Variants in GPR161 observed in about 807,000 individuals in gnomAD.
GPR161 encodes G-protein coupled receptor RE2.
A neutral mutation model predicts 39.2 loss-of-function variants in GPR161; 25 were observed. The observed-to-expected ratio is 0.64, with a 90% CI of 0.47 to 0.89. The LOEUF (loss-of-function observed/expected upper bound fraction) is 0.89, where lower values mean the gene tolerates loss of function less well. GPR161 is among the 40% of genes least tolerant of loss of function. The pLI, the probability that GPR161 is intolerant of heterozygous loss-of-function variation, is 0.00. For synonymous variants in GPR161, 286 were observed against 276.6 expected (o/e 1.03, Z -0.34); for missense variants, 547 against 677.8 (o/e 0.81, Z 2.14).
In GPR161 at chr1:168,096,646, G is replaced by A. The variant is rs768733849; in HGVS notation, c.961C>T (p.Pro321Ser). The A allele has an allele frequency of 6.2e-7, 1 of 1,614,210 alleles. No individual in the cohort carries two copies. Among genetic ancestry groups the A allele is most frequent in the South Asian group, 1.1e-5 (1 of 91,090 alleles). The change falls in exon 3 of 6, where the codon CCC (proline) becomes TCC (serine). Residue 321 changes from proline to serine, a missense_variant. Physicochemically the swap from Pro to Ser is moderately conservative, Grantham distance 74. Coordinates refer to ENST00000682931, the MANE Select transcript of GPR161 (RefSeq NM_001375883.1). ...WLSFASAVCH[P>S]LIYGLWNKTV... ...TTGTTCCAGAGTCCATAGATCAGGG[G>A]GTGGCAGACAGCGCTGGCAAAGGAC...
chr1:168,089,708 C>T (rs1397359162), intron 4 of GPR161: 5 of 152,112 alleles, frequency 3.3e-5, no homozygotes, highest in Admixed American at 3.3e-4. Flanking sequence ...CCTGGCTCTT[C>T]CTCAGCAATG....
intron 1 of GPR161, among the ~76,000 whole-genome samples, chr1:168,133,604 A>G (rs1340855919): frequency 6.6e-6 from 1 of 152,226 alleles, no homozygotes; most frequent in Non-Finnish European, 1.5e-5. Flanking sequence ...TAAACCACAG[A>G]GCATTATTAT....
chr1:168,092,337 T>C (rs924705862), intron 3 of GPR161, among the ~76,000 whole-genome samples: 1 of 151,956 alleles, frequency 6.6e-6, no homozygotes, highest in African/African-American at 2.4e-5. Flanking sequence ...GAGGCTGCAG[T>C]GAAAGCCAGG....
intron 2 of GPR161, among the ~76,000 whole-genome samples, chr1:168,100,235 G>GC (rs1695972219): frequency 7.4e-6 from 1 of 134,882 alleles, no homozygotes; most frequent in Non-Finnish European, 1.6e-5. Flanking sequence ...AAAAAAAAAG[G>GC]ATATAGAACA....
At chr1:168,136,963 C>G (rs1421178520), upstream of GPR161, 8 of 937,940 alleles carry the variant, frequency 8.5e-6, no homozygotes, top group African/African-American at 7.6e-5. Flanking sequence ...GCCCCGCCCC[C>G]CCCACGCCCG....
intron 4 of GPR161, chr1:168,090,325 G>C (rs796694133): frequency 2.4e-6 from 1 of 419,082 alleles, no homozygotes; most frequent in South Asian, 4.8e-5. Flanking sequence ...TAATAACACC[G>C]TGCGGCAGAG....
intron 1 of GPR161, among the ~76,000 whole-genome samples, chr1:168,126,011 C>T (rs749868714): frequency 3.9e-5 from 6 of 152,174 alleles, no homozygotes; most frequent in Admixed American, 6.5e-5. Flanking sequence ...GGTCTCCCAA[C>T]CAAATATACC....
At position 168,091,917 on chromosome 1, in the gene GPR161, ATT is replaced by A. The variant is rs201643186; in HGVS notation, c.1100-1251_1100-1250del. The stretch of plus-strand genomic sequence containing the variant: ...AATCTGCCATAAAGGACACTCTTGT[ATT>A]TTATGATACACTCACAGATAGGAGG... On this transcript the variant is annotated intron_variant, in intron 3 of 5. Transcript: ENST00000682931. Among the ~76,000 whole-genome samples the A allele has an allele frequency of 4.8e-3, 736 of 152,236 alleles. 5 individuals carry two copies. The highest frequency in any genetic ancestry group is 0.017 in the African/African-American group (704 of 41,482).
chr1:168,114,850 C>T (rs1207535545), intron 1 of GPR161, among the ~76,000 whole-genome samples: 1 of 152,098 alleles, frequency 6.6e-6, no homozygotes, highest in Non-Finnish European at 1.5e-5. Context: ...CTGGCCTACC[C>T]TTTTTAAATT....
At chr1:168,093,019 C>T (rs1019215358) in intron 3 of GPR161, among the ~76,000 whole-genome samples, 2 of 152,120 alleles carry the variant, frequency 1.3e-5, no homozygotes, top group African/African-American at 2.4e-5. Context: ...GGTTCTGGGT[C>T]GGCCAGCGGA....
chr1:168,111,778 G>A (rs574018127), intron 1 of GPR161, among the ~76,000 whole-genome samples: 1 of 152,216 alleles, frequency 6.6e-6, no homozygotes, highest in Non-Finnish European at 1.5e-5. Context: ...AGGTATGATT[G>A]AACATTTTCT....
At chr1:168,130,696 T>G (rs1258780072) in intron 1 of GPR161, among the ~76,000 whole-genome samples, 1 of 152,198 alleles carries the variant, frequency 6.6e-6, no homozygotes, top group Non-Finnish European at 1.5e-5. Context: ...TCTCCATGTA[T>G]AGCCTAGAAA....
chr1:168,137,420 A>G, upstream of GPR161: 4 of 1,530,688 alleles, frequency 2.6e-6, no homozygotes, highest in Non-Finnish European at 3.5e-6. Context: ...GGGCACGAGC[A>G]TCCATCTGCC....
intron 1 of GPR161, among the ~76,000 whole-genome samples, chr1:168,119,252 A>G (rs947862115): frequency 8.3e-6 from 1 of 119,946 alleles, no homozygotes; most frequent in African/African-American, 3.6e-5. Context: ...ACACATATAT[A>G]TATACGTATA....
At chr1:168,137,368 T>C, upstream of GPR161, 1 of 1,536,016 alleles carries the variant, frequency 6.5e-7, no homozygotes, top group Non-Finnish European at 8.7e-7. Flanking sequence ...TGGACGATCC[T>C]GGTATCGCCT....
chr1:168,125,411 T>A (rs1018684656), intron 1 of GPR161, among the ~76,000 whole-genome samples: 5 of 152,314 alleles, frequency 3.3e-5, no homozygotes, highest in African/African-American at 9.6e-5. Context: ...TAAACAAGAA[T>A]GTTGAGTCCT....
chr1:168,085,248 A>C lies in GPR161; in HGVS notation c.*283T>G. 1 of 499,004 alleles carries C rather than the reference A, an allele frequency of 2.0e-6. No homozygotes were observed. Among genetic ancestry groups the C allele is most frequent in the Non-Finnish European group, 3.6e-6 (1 of 274,718 alleles). 30.9% of individuals were successfully genotyped at this position (499,004 alleles called of 1,614,324 possible). Reference sequence around the variant, plus strand: ...CCACCTCCCAAAAAGCCACAGCCACATCTCTAGATTTTTTTTTGGTTTTTT... The same window carrying C: ...CCACCTCCCAAAAAGCCACAGCCACCTCTCTAGATTTTTTTTTGGTTTTTT... On this transcript the variant is annotated 3_prime_UTR_variant, in exon 6 of 6. Transcript: ENST00000682931.
rs1012141092 is a variant in GPR161, at chr1:168,098,568, G to A, written c.375-1336C>T. Among the ~76,000 whole-genome samples, 1 of 152,232 alleles carries A rather than the reference G, an allele frequency of 6.6e-6. No homozygotes were observed. The highest frequency in any genetic ancestry group is 1.5e-5 in the Non-Finnish European group (1 of 68,036). On this transcript the variant is annotated intron_variant, in intron 2 of 5. Transcript: ENST00000682931. The surrounding 1 kb of genome is among the most constrained non-coding windows in gnomAD (Gnocchi z 4.1). ...GGAAGGTGGCTCCTCCACAGGGACC[G>A]CCCTGAGTCACCCTTGGGCCCCAGC...
At position 168,104,907 on chromosome 1, in the gene GPR161, G is replaced by A. The variant is rs6427119; in HGVS notation, c.-44-13C>T. On this transcript the variant is annotated splice_polypyrimidine_tract_variant and intron_variant, in intron 1 of 5. Transcript: ENST00000682931. ...GCATGCTGGACGACTGGAAAGATAAGGCAGGACCAGGGGACAGGAAAAGAT... is the reference window on the plus strand; with the variant it reads ...GCATGCTGGACGACTGGAAAGATAAAGCAGGACCAGGGGACAGGAAAAGAT... The A allele has an allele frequency of 0.33, 530,140 of 1,587,982 alleles. 91,783 individuals carry two copies. The highest frequency in any genetic ancestry group is 0.52 in the Admixed American group (30,303 of 58,826).
Sources: gnomAD v4.1 joint callset for allele counts (sites outside exome capture counted in the v4.1 genomes callset) on GRCh38, gnomAD v4.1.1 for gene constraint, Gnocchi (gnomAD v3.1) non-coding constraint, MANE v1.5 for transcripts, NCBI Gene and HGNC (gene_info 2026-07-23, HGNC 2026-07-21) for gene names.